CHST8: variants seen among roughly 807,000 people sequenced by gnomAD.
CHST8 encodes carbohydrate sulfotransferase 8.
Under a neutral mutation model 15.0 loss-of-function variants are expected in CHST8, and 10 were observed. The ratio of observed to expected loss-of-function variants is 0.67; its 90% CI spans 0.41 to 1.13. The LOEUF (loss-of-function observed/expected upper bound fraction) is 1.13. Among genes scored for constraint, CHST8 ranks in the 50% most tolerant of loss-of-function variants. The pLI, the probability that CHST8 is intolerant of heterozygous loss-of-function variation, is 0.00. For synonymous variants in CHST8, 259 were observed against 256.6 expected (o/e 1.01, Z -0.09); for missense variants, 634 against 608.2 (o/e 1.04, Z -0.45).
intron 3 of CHST8, among the ~76,000 whole-genome samples, chr19:33,769,978 C>A (rs942030404): frequency 2.6e-5 from 4 of 152,142 alleles, no homozygotes; most frequent in Non-Finnish European, 4.4e-5. Context: ...GAGGAAGGTT[C>A]GGGCAAGCTC....
At chr19:33,652,364 T>G (rs1364636553) in intron 1 of CHST8, among the ~76,000 whole-genome samples, 1 of 149,936 alleles carries the variant, frequency 6.7e-6, no homozygotes, top group African/African-American at 2.4e-5. Context: ...TATTTATATT[T>G]TCTCTCTCTT....
intron 1 of CHST8, among the ~76,000 whole-genome samples, chr19:33,649,580 A>G (rs982347985): frequency 6.6e-6 from 1 of 152,190 alleles, no homozygotes; most frequent in Non-Finnish European, 1.5e-5. Context: ...GGGGGTCTGG[A>G]CGCATACATA....
chr19:33,755,036 C>T (rs436143), intron 3 of CHST8, among the ~76,000 whole-genome samples: 36,157 of 152,114 alleles, frequency 0.24, 4,533 homozygotes, highest in Admixed American at 0.29. Flanking sequence ...CTCTCACTTG[C>T]GGATGCAGCA....
At chr19:33,745,414 C>T (rs1349946023) in intron 3 of CHST8, among the ~76,000 whole-genome samples, 1 of 152,264 alleles carries the variant, frequency 6.6e-6, no homozygotes, top group Non-Finnish European at 1.5e-5. Flanking sequence ...TGCCTCTGGC[C>T]TTGTGCCACA....
intron 3 of CHST8, among the ~76,000 whole-genome samples, chr19:33,709,787 A>G (rs1973514527): frequency 6.6e-6 from 1 of 152,146 alleles, no homozygotes; most frequent in Non-Finnish European, 1.5e-5. Flanking sequence ...TTCTTTTTAA[A>G]TGTTTATTAG....
chr19:33,690,628 A>G (rs1364581958), intron 3 of CHST8, among the ~76,000 whole-genome samples: 1 of 152,200 alleles, frequency 6.6e-6, no homozygotes, highest in Admixed American at 6.5e-5. Context: ...TGGGCGAGTC[A>G]TCGGTGCTGA....
chr19:33,641,819 G>A (rs1404819733), intron 1 of CHST8, among the ~76,000 whole-genome samples: 4 of 152,172 alleles, frequency 2.6e-5, no homozygotes, highest in Non-Finnish European at 5.9e-5. Flanking sequence ...AAAGGGATGA[G>A]GGTTTCCAGG....
At chr19:33,635,156 G>A (rs899320429) in intron 1 of CHST8, among the ~76,000 whole-genome samples, 9 of 152,248 alleles carry the variant, frequency 5.9e-5, no homozygotes, top group South Asian at 2.1e-4. Flanking sequence ...TTCCAACACC[G>A]TCTTTTCATA....
intron 3 of CHST8, among the ~76,000 whole-genome samples, chr19:33,762,253 C>A (rs1183709674): frequency 6.6e-6 from 1 of 152,186 alleles, no homozygotes; most frequent in Non-Finnish European, 1.5e-5. Flanking sequence ...GGCAGGGCAC[C>A]AGCTCAGGAC....
intron 1 of CHST8, among the ~76,000 whole-genome samples, chr19:33,665,084 C>G (rs543392989): frequency 6.6e-6 from 1 of 152,078 alleles, no homozygotes; most frequent in African/African-American, 2.4e-5. Context: ...CTTTGTAATA[C>G]GCTGGTTTCC....
chr19:33,759,538 T>C (rs978503933), intron 3 of CHST8, among the ~76,000 whole-genome samples: 17 of 152,162 alleles, frequency 1.1e-4, no homozygotes, highest in African/African-American at 4.1e-4. Flanking sequence ...GCTGGTATCA[T>C]GCCCCCACTG....
chr19:33,685,541 T>G (rs948123901), intron 2 of CHST8, among the ~76,000 whole-genome samples: 5 of 152,140 alleles, frequency 3.3e-5, no homozygotes, highest in African/African-American at 1.2e-4. Flanking sequence ...TCTTATTGTC[T>G]GTTGGTCTTG....
intron 3 of CHST8, among the ~76,000 whole-genome samples, chr19:33,742,527 C>T (rs1298419888): frequency 6.6e-6 from 1 of 152,140 alleles, no homozygotes; most frequent in Non-Finnish European, 1.5e-5. Context: ...ATGGGGAGGG[C>T]AACAAGCCAT....
chr19:33,714,610 T>TCCCCATCC (rs1973629069), intron 3 of CHST8, among the ~76,000 whole-genome samples: 1 of 152,210 alleles, frequency 6.6e-6, no homozygotes, highest in African/African-American at 2.4e-5. Context: ...TTTGGCTGTG[T>TCCCCATCC]CCCCATCCAA....
intron 3 of CHST8, among the ~76,000 whole-genome samples, chr19:33,753,461 TCCTCCCACCACCCAC>T (rs1204119337): frequency 1.9e-5 from 1 of 53,012 alleles, no homozygotes; most frequent in Non-Finnish European, 3.5e-5. Flanking sequence ...CCACCCACCA[TCCTCCCACCACCCAC>T]CCACCATCCT....
chr19:33,735,751 C>T (rs753922078), intron 3 of CHST8, among the ~76,000 whole-genome samples: 16 of 152,186 alleles, frequency 1.1e-4, no homozygotes, highest in African/African-American at 2.7e-4. Flanking sequence ...CATTTGAACC[C>T]GGAGGGTAGA....
intron 2 of CHST8, among the ~76,000 whole-genome samples, chr19:33,677,228 A>G (rs939086336): frequency 3.0e-4 from 46 of 152,220 alleles, no homozygotes; most frequent in African/African-American, 1.0e-3. Context: ...GCTCCCAGTT[A>G]GCCGAGTGCT....
intron 3 of CHST8, among the ~76,000 whole-genome samples, chr19:33,766,509 C>T (rs1368973862): frequency 6.6e-6 from 1 of 152,178 alleles, no homozygotes; most frequent in African/African-American, 2.4e-5. Flanking sequence ...GGCTCGGAGG[C>T]CTTTCTTGTG....
chr19:33,725,512 C>A (rs1203645405), intron 3 of CHST8, among the ~76,000 whole-genome samples: 1 of 152,224 alleles, frequency 6.6e-6, no homozygotes, highest in Non-Finnish European at 1.5e-5. Context: ...TTCCCCACTG[C>A]CCTGCCCTGA....
Sources: gnomAD v4.1 joint callset for allele counts (sites outside exome capture counted in the v4.1 genomes callset) on GRCh38, gnomAD v4.1.1 for gene constraint, MANE v1.5 for transcripts, NCBI Gene and HGNC (gene_info 2026-07-23, HGNC 2026-07-21) for gene names.